Variants in PRKCE observed in about 807,000 individuals in gnomAD.
PRKCE encodes the protein protein kinase C epsilon.
PRKCE carries 16 observed loss-of-function variants against 85.4 expected under a neutral mutation model. That is an observed-to-expected ratio of 0.19 (90% CI 0.13 to 0.28). PRKCE has a LOEUF of 0.28. Among genes scored for constraint, PRKCE ranks in the 10% least tolerant of loss-of-function variants. The pLI, the probability that PRKCE is intolerant of heterozygous loss-of-function variation, is 1.00. For synonymous variants in PRKCE, 388 were observed against 371.5 expected (o/e 1.04, Z -0.51); for missense variants, 573 against 975.2 (o/e 0.59, Z 5.49).
rs2104531773 is a variant in PRKCE at position 45,976,409 on chromosome 2, CT to C, written c.413-19del. On this transcript the variant is annotated intron_variant, in intron 2 of 14. Transcript: ENST00000306156. ...ACTAACCCAGACTCCGTTTTCTTCC[CT>C]GCTCTTGTCCTTCCCCAGCCCCTAA... 6.3e-7 allele frequency: 1 copy of C among 1,596,576 alleles called. No homozygotes were observed.
chr2:45,927,396 A>G lies in PRKCE; in HGVS notation c.413-49033A>G, dbSNP rs539825725. 9.8e-5 allele frequency among the ~76,000 whole-genome samples: 15 copies of G among 152,314 alleles called. 1 individual carries two copies. Among genetic ancestry groups the G allele is most frequent in the African/African-American group, 2.2e-4 (9 of 41,570 alleles). On this transcript the variant is annotated intron_variant, in intron 2 of 14. Transcript: ENST00000306156. ...TATATCATCTAATTTAATCATTGCA[A>G]TCTTCCTATGAAGCAGGTATTATCT...
intron 1 of PRKCE, among the ~76,000 whole-genome samples, chr2:45,718,421 T>G (rs1558591992): frequency 6.9e-6 from 1 of 144,356 alleles, no homozygotes; most frequent in Non-Finnish European, 1.5e-5. Flanking sequence ...CTCGGCTCAC[T>G]GCAATCTCCA....
chr2:45,867,608 G>A (rs956140239), intron 2 of PRKCE, among the ~76,000 whole-genome samples: 5 of 151,996 alleles, frequency 3.3e-5, no homozygotes, highest in Admixed American at 6.5e-5. Context: ...TTTAAAATTC[G>A]GTGGAGGAAT....
chr2:45,970,673 C>G (rs1237201947), intron 2 of PRKCE, among the ~76,000 whole-genome samples: 1 of 151,948 alleles, frequency 6.6e-6, no homozygotes, highest in Non-Finnish European at 1.5e-5. Context: ...TGGGGAAATT[C>G]AAATATGAAC....
intron 10 of PRKCE, among the ~76,000 whole-genome samples, chr2:46,023,985 A>T (rs950426589): frequency 1.3e-5 from 2 of 152,362 alleles, no homozygotes; most frequent in African/African-American, 2.4e-5. Context: ...TAGGACTGTT[A>T]TTCCAAAGAG....
In PRKCE at chr2:45,843,130, T is replaced by C. The variant is rs1573574898; in HGVS notation, c.412+67T>C. ...CCCTTTGCCTTCTGGGTCTCTTCTT[T>C]CCCCCCCTTGGCCGGAACACATTAT... On this transcript the variant is annotated intron_variant, in intron 2 of 14. Transcript: ENST00000306156. The C allele has an allele frequency of 8.2e-6, 11 of 1,341,524 alleles. No individual in the cohort carries two copies. In the East Asian group the frequency reaches 9.2e-5, roughly 11 times the overall value. 83.1% of individuals were successfully genotyped at this position (1,341,524 alleles called of 1,614,324 possible).
At position 46,139,736 on chromosome 2, in the gene PRKCE, A is replaced by G. The variant is rs1442164762; in HGVS notation, c.1593-5357A>G. On this transcript the variant is annotated intron_variant, in intron 11 of 14. Coordinates refer to ENST00000306156, the MANE Select transcript of PRKCE (RefSeq NM_005400.3). The surrounding 1 kb of genome is among the most constrained non-coding windows in gnomAD (Gnocchi z 5.2). ...CATATATACATATACATATATATCT[A>G]GAGAGAGAGAGAGAGAATATATAGA... Among the ~76,000 whole-genome samples, 1 of 148,554 alleles carries G rather than the reference A, an allele frequency of 6.7e-6. No homozygotes were observed. Among genetic ancestry groups the G allele is most frequent in the Non-Finnish European group, 1.5e-5 (1 of 66,666 alleles).
In PRKCE at chr2:45,905,938, A is replaced by G. The variant is rs1186354688; in HGVS notation, c.412+62875A>G. ...TGTGCGGGGTATGGTGTCTGCCCAC[A>G]TGAAGGGCCGGGGTGGGCAGGCTAT... On this transcript the variant is annotated intron_variant, in intron 2 of 14. Transcript: ENST00000306156. The surrounding 1 kb of genome is among the most constrained non-coding windows in gnomAD (Gnocchi z 4.4). Among the ~76,000 whole-genome samples the G allele has an allele frequency of 6.6e-6, 1 of 152,146 alleles. No individual in the cohort carries two copies. The highest frequency in any genetic ancestry group is 2.4e-5 in the African/African-American group (1 of 41,434).
chr2:46,084,318 A>G (rs1229535440), intron 10 of PRKCE, among the ~76,000 whole-genome samples: 1 of 152,226 alleles, frequency 6.6e-6, no homozygotes, highest in Non-Finnish European at 1.5e-5. Context: ...TGTCAATAGT[A>G]AGATAGATAT....
rs147271882 is a variant in PRKCE at position 46,114,130 on chromosome 2, A to T, written c.1592+27768A>T. On this transcript the variant is annotated intron_variant, in intron 11 of 14. Transcript: ENST00000306156. ...GACCCGAATGAGCAGGGAGAAGCAT[A>T]TCCACAGAAGAACCCTGCGGTTCTT... Among the ~76,000 whole-genome samples the T allele has an allele frequency of 2.5e-3, 386 of 152,260 alleles. 3 individuals are homozygous for T. Among genetic ancestry groups the T allele is most frequent in the Middle Eastern group, 0.01 (3 of 294 alleles).
intron 1 of PRKCE, among the ~76,000 whole-genome samples, chr2:45,810,302 A>G (rs1688562994): frequency 6.6e-6 from 1 of 152,094 alleles, no homozygotes; most frequent in Non-Finnish European, 1.5e-5. Context: ...CGGCCTCCCA[A>G]AGTGCTGGGA....
chr2:45,844,455 C>A (rs1427305222), intron 2 of PRKCE, among the ~76,000 whole-genome samples: 1 of 152,294 alleles, frequency 6.6e-6, no homozygotes, highest in East Asian at 1.9e-4. Context: ...TTAAGACCTA[C>A]AAAAGGGCAT....
chr2:45,931,475 A>G (rs1425083374), intron 2 of PRKCE, among the ~76,000 whole-genome samples: 1 of 152,092 alleles, frequency 6.6e-6, no homozygotes, highest in Non-Finnish European at 1.5e-5. Context: ...ATTGACCTAA[A>G]TTTTCCCCAC....
intron 10 of PRKCE, among the ~76,000 whole-genome samples, chr2:46,074,429 C>CAAAAAAAAAAAAAAAAAAAAAAAAAACA (rs11287357): frequency 1.8e-4 from 17 of 93,754 alleles, no homozygotes; most frequent in South Asian, 4.1e-4. Context: ...CAACAACAAC[C>CAAAAAAAAAAAAAAAAAAAAAAAAAACA]AAAAAAAAAA....
At chr2:45,684,043 T>G (rs1196463620) in intron 1 of PRKCE, among the ~76,000 whole-genome samples, 1 of 152,148 alleles carries the variant, frequency 6.6e-6, no homozygotes, top group African/African-American at 2.4e-5. Context: ...GACTTGGTGT[T>G]TGCTGGTAGG....
chr2:45,750,205 A>G (rs955589284), intron 1 of PRKCE, among the ~76,000 whole-genome samples: 5 of 152,208 alleles, frequency 3.3e-5, no homozygotes, highest in African/African-American at 1.2e-4. Flanking sequence ...GTGTTGTGCA[A>G]CCATCACTAC....
At chr2:46,049,247 T>G (rs2105052445) in intron 10 of PRKCE, among the ~76,000 whole-genome samples, 1 of 152,306 alleles carries the variant, frequency 6.6e-6, no homozygotes, top group African/African-American at 2.4e-5. Context: ...GGGTTTCTGC[T>G]TAGAAGCTTC....
intron 10 of PRKCE, among the ~76,000 whole-genome samples, chr2:46,039,331 G>A (rs372257372): frequency 8.5e-5 from 13 of 152,188 alleles, no homozygotes; most frequent in African/African-American, 2.6e-4. Context: ...GAGAGCATTC[G>A]TTCCAGGGAG....
chr2:46,172,903 T>A (rs1312237961), intron 14 of PRKCE, among the ~76,000 whole-genome samples: 1 of 152,244 alleles, frequency 6.6e-6, no homozygotes, highest in Non-Finnish European at 1.5e-5. Flanking sequence ...AAAGCCAGGC[T>A]TTTTATAATG....
Sources: gnomAD v4.1 joint callset for allele counts (sites outside exome capture counted in the v4.1 genomes callset) on GRCh38, gnomAD v4.1.1 for gene constraint, Gnocchi (gnomAD v3.1) non-coding constraint, MANE v1.5 for transcripts, NCBI Gene and HGNC (gene_info 2026-07-23, HGNC 2026-07-21) for gene names.